SEC16A: variants seen among roughly 807,000 people sequenced by gnomAD.
The protein encoded by SEC16A is SEC16 homolog A, endoplasmic reticulum export factor.
Under a neutral mutation model 221.9 loss-of-function variants are expected in SEC16A, and 110 were observed. That is an observed-to-expected ratio of 0.50 (90% CI 0.42 to 0.58). SEC16A has a LOEUF of 0.58. Ranked by LOEUF, SEC16A falls within the 20% of genes least tolerant of loss-of-function variation. SEC16A has a pLI of 0.00. For synonymous variants in SEC16A, 1,393 were observed against 1,257.7 expected (o/e 1.11, Z -2.28); for missense variants, 3,165 against 3,097.8 (o/e 1.02, Z -0.52).
chr9:136,483,684 A>T (rs1361816901), upstream of SEC16A: 1 of 985,412 alleles, frequency 1.0e-6, no homozygotes, highest in Non-Finnish European at 1.2e-6. Context: ...GACCGATGCC[A>T]GCAGGCTCAC....
In SEC16A at chr9:136,463,472, T is replaced by A; in HGVS notation, c.4638A>T (p.Arg1546Ser). ...GTAGAAAGAAACATACCCCATTTTGTCTGCATAAGAGAACAATAAAATTCC... is the reference window on the plus strand; with the variant it reads ...GTAGAAAGAAACATACCCCATTTTGACTGCATAAGAGAACAATAAAATTCC... The part of the protein sequence containing the change: ...LLWNFIVLLC[R>S]QNGTVVGTDI... Residue 1546 changes from arginine (R) to serine (S), a missense_variant, in exon 11 of 32, where the codon AGA (arginine) becomes AGT (serine). Arg to Ser is a moderately radical substitution (Grantham distance 110, BLOSUM62 -1). Transcript: ENST00000684901. The A allele has an allele frequency of 6.2e-7, 1 of 1,613,120 alleles. No individual in the cohort carries two copies. Among genetic ancestry groups the A allele is most frequent in the East Asian group, 2.2e-5 (1 of 44,882 alleles).
At position 136,461,215 on chromosome 9, in the gene SEC16A, A is replaced by T. The variant is rs1269445216; in HGVS notation, c.4953T>A (p.Ser1651Arg). The T allele has an allele frequency of 5.6e-6, 9 of 1,609,274 alleles. No homozygotes were observed. Among genetic ancestry groups the T allele is most frequent in the Non-Finnish European group, 7.6e-6 (9 of 1,177,944 alleles). The change falls in exon 13 of 32, where the codon AGT (serine) becomes AGA (arginine). Residue 1651 changes from serine (S) to arginine (R), a missense_variant. Physicochemically the swap from Ser to Arg is moderately radical, Grantham distance 110. This residue lies in a region of SEC16A where 1,088 missense variants were observed against 1,089.6 expected (regional missense o/e 1.00). Coordinates refer to ENST00000684901, the MANE Select transcript of SEC16A (RefSeq NM_014866.2). ...GGGCGTGTGTCCGGCTGTCCATCTT[A>T]CTTGCAAGTAGCAGAGCGTGACCCC... The part of the protein sequence containing the change: ...GLWGHALLLA[S>R]KMDSRTHARV...
intron 23 of SEC16A, among the ~76,000 whole-genome samples, chr9:136,450,476 T>C (rs550498023): frequency 1.4e-5 from 2 of 147,484 alleles, no homozygotes; most frequent in East Asian, 4.0e-4. Context: ...CCCATCTTTA[T>C]GGGGGAAAAA....
At position 136,477,359 on chromosome 9, in the gene SEC16A, A is replaced by G; in HGVS notation, c.257T>C (p.Phe86Ser). ...PVLQGPAPAGFSQHPGLLVPH... is the reference protein window; with the variant it reads ...PVLQGPAPAGSSQHPGLLVPH... Reference sequence around the variant, plus strand: ...AACAAGCAAACCGGGGTGCTGAGAAAACCCTGCGGGGGCTGGGCCTTGCAA... The same window carrying G: ...AACAAGCAAACCGGGGTGCTGAGAAGACCCTGCGGGGGCTGGGCCTTGCAA... The change falls in exon 3 of 32, where the codon TTT becomes TCT. Residue 86 changes from phenylalanine (F) to serine (S), a missense_variant. Physicochemically the swap from Phe to Ser is radical, Grantham distance 155. This residue lies in a region of SEC16A where 2,030 missense variants were observed against 1,923.1 expected (regional missense o/e 1.06). Transcript: ENST00000684901. 4 of 1,613,926 alleles carry G rather than the reference A, an allele frequency of 2.5e-6. No homozygotes were observed. The highest frequency in any genetic ancestry group is 3.4e-6 in the Non-Finnish European group (4 of 1,179,866).
In SEC16A at chr9:136,474,040, G is replaced by T. The variant is rs113191834; in HGVS notation, c.3567+9C>A. ...GAAAAGTGGGTTACACATACGACTC[G>T]ACTCTTACCTGGTAATAGAGGGAGG... On this transcript the variant is annotated intron_variant, in intron 3 of 31. Transcript: ENST00000684901. 7 of 1,589,026 alleles carry T rather than the reference G, an allele frequency of 4.4e-6. No individual in the cohort carries two copies. The African/African-American group carries it at 5.4e-5, about 12-fold the overall frequency.
At chr9:136,483,088 A>G, upstream of SEC16A, 1 of 914,430 alleles carries the variant, frequency 1.1e-6, no homozygotes, top group Non-Finnish European at 1.3e-6. Flanking sequence ...CCGGCTTACG[A>G]CATCAGCGCG....
At chr9:136,478,402 C>CAAAAAA (rs34093106) in intron 2 of SEC16A, among the ~76,000 whole-genome samples, 1 of 95,270 alleles carries the variant, frequency 1.0e-5, no homozygotes. Context: ...GTCCCTAGCT[C>CAAAAAA]AAAAAAAAAA....
In SEC16A at chr9:136,477,094, G is replaced by T; in HGVS notation, c.522C>A (p.His174Gln). ...GVDPETSHGG[H>Q]PHGNMPGLDR... ...CGAGCCCAGGCATGTTCCCATGAGG[G>T]TGGCCCCCATGAGACGTTTCAGGAT... is the stretch of plus-strand genomic sequence containing the variant. Residue 174 changes from histidine to glutamine, a missense_variant, in exon 3 of 32, where the codon CAC becomes CAA. His to Gln is a conservative substitution (Grantham distance 24). This residue lies in a region of SEC16A where 2,030 missense variants were observed against 1,923.1 expected (regional missense o/e 1.06). Transcript: ENST00000684901. 6.2e-7 allele frequency: 1 copy of T among 1,613,850 alleles called. No individual in the cohort carries two copies. The highest frequency in any genetic ancestry group is 1.6e-4 in the Middle Eastern group (1 of 6,062).
At position 136,446,878 on chromosome 9, in the gene SEC16A, G is replaced by A. The variant is rs1298810969; in HGVS notation, c.6769C>T (p.Pro2257Ser). ...ACCTTGGGCTCTGGGGCAGGCTCTG[G>A]ATTGGCCAGGCCCCTAGCTGCTGCA... ...GPAAARGLAN[P>S]EPAPEPKVLS... The change falls in exon 28 of 32, where the codon CCA becomes TCA. Residue 2257 changes from proline to serine, a missense_variant. Coordinates refer to ENST00000684901, the MANE Select transcript of SEC16A (RefSeq NM_014866.2). The A allele has an allele frequency of 6.2e-7, 1 of 1,611,060 alleles. No homozygotes were observed. The highest frequency in any genetic ancestry group is 8.5e-7 in the Non-Finnish European group (1 of 1,178,962).
chr9:136,443,255 G>A (rs940282555), intron 31 of SEC16A, among the ~76,000 whole-genome samples: 3 of 151,888 alleles, frequency 2.0e-5, no homozygotes, highest in Non-Finnish European at 2.9e-5. Flanking sequence ...GGAGCACGGC[G>A]GGCCTGGTGT....
chr9:136,443,785 G>GT (rs765123213), intron 31 of SEC16A, 38 bp downstream of exon 31: 1 of 1,529,002 alleles, frequency 6.5e-7, no homozygotes. Context: ...GTCAGTGGGC[G>GT]TGTTAGGGTC....
At chr9:136,469,077 T>C (rs1251518456) in intron 4 of SEC16A, among the ~76,000 whole-genome samples, 1 of 152,086 alleles carries the variant, frequency 6.6e-6, no homozygotes, top group East Asian at 1.9e-4. Context: ...CTCGAACACC[T>C]GGGGTCAAGC....
At chr9:136,468,332 C>A in intron 5 of SEC16A, 83 bp downstream of exon 5, 1 of 784,508 alleles carries the variant, frequency 1.3e-6, no homozygotes, top group Non-Finnish European at 2.1e-6. Context: ...CCAGCAGGTG[C>A]TGGCTGGCCA....
At chr9:136,455,876 G>A in intron 19 of SEC16A, 83 bp from the exon 20 acceptor site, 2 of 1,393,184 alleles carry the variant, frequency 1.4e-6, no homozygotes, top group Non-Finnish European at 2.0e-6. Flanking sequence ...CGCGCTTGCT[G>A]TGTCCCTACT....
intron 12 of SEC16A, among the ~76,000 whole-genome samples, chr9:136,462,416 G>C (rs775475555): frequency 6.6e-6 from 1 of 152,168 alleles, no homozygotes; most frequent in Non-Finnish European, 1.5e-5. Context: ...TGTGACCCCA[G>C]TCACTGGACG....
At chr9:136,472,163 G>A (rs1040995997) in intron 3 of SEC16A, 52 bp from the exon 4 acceptor site, 42 of 1,602,906 alleles carry the variant, frequency 2.6e-5, no homozygotes, top group Middle Eastern at 1.7e-4. Flanking sequence ...GAGCAAGCTC[G>A]TCCAACAGCC....
At position 136,441,758 on chromosome 9, in the gene SEC16A, G is replaced by C. The variant is rs370241554; in HGVS notation, c.7071C>G (p.Asn2357Lys). 20 of 1,613,256 alleles carry C rather than the reference G, an allele frequency of 1.2e-5. No homozygotes were observed. Among genetic ancestry groups the C allele is most frequent in the Admixed American group, 3.3e-5 (2 of 60,004 alleles). The change falls in exon 32 of 32, where the codon AAC becomes AAG. Residue 2357 changes from asparagine to lysine, a missense_variant. Coordinates refer to ENST00000684901, the MANE Select transcript of SEC16A (RefSeq NM_014866.2). The part of the protein sequence containing the change: ...RIGQRKHLVL[N>K] ...GCAAGTTCACAGCAGGGCAAGCCTA[G>C]TTCAGCACCAGGTGCTTCCTCTGGC...
Position 136,467,083 on chromosome 9 carries a change from T to C in SEC16A, c.3803A>G (p.Asp1268Gly). 2.5e-6 allele frequency: 4 copies of C among 1,613,790 alleles called. No individual in the cohort carries two copies. Among genetic ancestry groups the C allele is most frequent in the Non-Finnish European group, 3.4e-6 (4 of 1,179,834 alleles). Reference protein sequence around the residue: ...SYYSSQYDYGDPGHWDRYHYS... With the variant: ...SYYSSQYDYGGPGHWDRYHYS... ...GTGGTAACGATCCCAGTGACCTGGA[T>C]CTGTGAGCAAGGAATTAATGATTAA... The change falls in exon 6 of 32, where the codon GAT becomes GGT. Residue 1268 changes from aspartate to glycine, a missense_variant and splice_region_variant. Around this residue, in one of 3 missense-constraint regions of SEC16A, gnomAD observed 2,030 missense variants for 1,923.1 expected, o/e 1.06. Transcript: ENST00000684901.
upstream of SEC16A, chr9:136,483,151 T>C: frequency 2.5e-6 from 1 of 394,370 alleles, no homozygotes. Context: ...GCGTTCTCTT[T>C]CAGCCCTTCA....
Sources: allele counts gnomAD v4.1 joint callset (sites outside exome capture counted in the v4.1 genomes callset), GRCh38; gene constraint gnomAD v4.1.1; regional missense constraint gnomAD v4.1.1; transcripts MANE v1.5; gene names NCBI Gene and HGNC (gene_info 2026-07-23, HGNC 2026-07-21).